MRAS: variants seen among roughly 807,000 people sequenced by gnomAD.
MRAS encodes the protein muscle RAS oncogene homolog.
Under a neutral mutation model 20.9 loss-of-function variants are expected in MRAS, and 4 were observed. That is an observed-to-expected ratio of 0.19 (90% CI 0.09 to 0.44). The LOEUF is 0.44. MRAS is among the 20% of genes least tolerant of loss of function. The probability of loss-of-function intolerance (pLI) is 0.99; values close to 1 mark genes in which losing one functional copy is unlikely to be tolerated. For missense variants in MRAS, 154 were observed against 277.5 expected (o/e 0.56, Z 3.16); for synonymous variants, 98 against 102.9 (o/e 0.95, Z 0.29).
At chr3:138,373,286 C>T (rs935253328) in intron 2 of MRAS, among the ~76,000 whole-genome samples, 1 of 152,192 alleles carries the variant, frequency 6.6e-6, no homozygotes, top group African/African-American at 2.4e-5. Flanking sequence ...CCAAAATGTG[C>T]ATTCAGCAAA....
chr3:138,395,462 T>G (rs2055216781), intron 2 of MRAS, among the ~76,000 whole-genome samples: 1 of 152,040 alleles, frequency 6.6e-6, no homozygotes, highest in Admixed American at 6.6e-5. Context: ...TCACACGCCC[T>G]TCACTCCCCT....
rs2094134058 is a variant in MRAS at position 138,379,420 on chromosome 3, A to G, written c.193+6344A>G. Reference sequence around the variant, plus strand: ...ACACTTGTTGGGCAGACTAGAGTTCAGTGGCACGATCACTGCAACCTCCCC... The same window carrying G: ...ACACTTGTTGGGCAGACTAGAGTTCGGTGGCACGATCACTGCAACCTCCCC... On this transcript the variant is annotated intron_variant, in intron 2 of 5. Coordinates refer to ENST00000423968, the MANE Select transcript of MRAS (RefSeq NM_001085049.3). 2.3e-5 allele frequency among the ~76,000 whole-genome samples: 3 copies of G among 129,496 alleles called. No homozygotes were observed. In the South Asian group the frequency reaches 7.1e-4, roughly 31 times the overall value. 85.0% of individuals were successfully genotyped at this position (129,496 alleles called of 152,430 possible).
intron 1 of MRAS, among the ~76,000 whole-genome samples, chr3:138,354,628 C>T (rs980339577): frequency 2.6e-5 from 4 of 152,200 alleles, no homozygotes; most frequent in African/African-American, 9.6e-5. Flanking sequence ...CTCACAAACA[C>T]CTGCCTTGAC....
chr3:138,394,520 T>C (rs2055195366), intron 2 of MRAS, among the ~76,000 whole-genome samples: 1 of 151,462 alleles, frequency 6.6e-6, no homozygotes, highest in Non-Finnish European at 1.5e-5. Flanking sequence ...CTGGATAGCT[T>C]GTCCTGTGGC....
chr3:138,376,104 C>T (rs1293749120), intron 2 of MRAS, among the ~76,000 whole-genome samples: 1 of 152,076 alleles, frequency 6.6e-6, no homozygotes, highest in African/African-American at 2.4e-5. Flanking sequence ...TAAAAAGCAC[C>T]GTCCTCCAAG....
intron 3 of MRAS, among the ~76,000 whole-genome samples, chr3:138,397,843 T>G (rs2055273938): frequency 1.3e-5 from 2 of 152,206 alleles, no homozygotes; most frequent in Admixed American, 1.3e-4. Flanking sequence ...CACAGATTAA[T>G]GTGGGTTTTA....
rs116118545 is a variant in MRAS at position 138,372,296 on chromosome 3, G to A, written c.-18-570G>A. On this transcript the variant is annotated intron_variant, in intron 1 of 5. Coordinates refer to ENST00000423968, the MANE Select transcript of MRAS (RefSeq NM_001085049.3). ...CTCCTCCCCAAATAAAATGATTCCCGCATGACTTTGTGTATAATACAGGGC... is the reference window on the plus strand; with the variant it reads ...CTCCTCCCCAAATAAAATGATTCCCACATGACTTTGTGTATAATACAGGGC... Among the ~76,000 whole-genome samples the A allele has an allele frequency of 5.3e-3, 806 of 152,162 alleles. 6 individuals are homozygous for A. Among genetic ancestry groups the A allele is most frequent in the African/African-American group, 0.018 (750 of 41,496 alleles).
intron 1 of MRAS, among the ~76,000 whole-genome samples, chr3:138,369,089 A>T (rs1203590698): frequency 1.3e-5 from 2 of 152,094 alleles, no homozygotes; most frequent in African/African-American, 4.8e-5. Context: ...CCTGGCTGAG[A>T]GAGTTGTCCC....
intron 2 of MRAS, among the ~76,000 whole-genome samples, chr3:138,385,064 G>C (rs1346136830): frequency 1.3e-5 from 2 of 151,976 alleles, no homozygotes; most frequent in Non-Finnish European, 2.9e-5. Flanking sequence ...AGGCAGCGAG[G>C]ATAGGCAAGA....
rs572659087 is a variant in MRAS at position 138,391,312 on chromosome 3, C to T, written c.194-6012C>T. Among the ~76,000 whole-genome samples, 5 of 152,292 alleles carry T rather than the reference C, an allele frequency of 3.3e-5. No individual in the cohort carries two copies. The South Asian group carries it at 1.0e-3, about 32-fold the overall frequency. ...GGTTTTATTTCTGTTGATTGTCCTT[C>T]AATTCTCAACTGTGATTTCTGCTTT... On this transcript the variant is annotated intron_variant, in intron 2 of 5. Transcript: ENST00000423968.
intron 5 of MRAS, among the ~76,000 whole-genome samples, chr3:138,401,839 C>T (rs2055365991): frequency 6.6e-6 from 1 of 152,178 alleles, no homozygotes; most frequent in Non-Finnish European, 1.5e-5. Context: ...GAATAGAGGC[C>T]AGCACTCTAT....
At chr3:138,397,591 GA>G in intron 3 of MRAS, 114 bp downstream of exon 3, 4 of 1,299,860 alleles carry the variant, frequency 3.1e-6, no homozygotes, top group Non-Finnish European at 4.2e-6. Flanking sequence ...TAAAGGCGTG[GA>G]TTTTTTTAAG....
intron 2 of MRAS, among the ~76,000 whole-genome samples, chr3:138,384,258 G>A (rs79963664): frequency 0.011 from 1,621 of 152,288 alleles, 18 homozygotes; most frequent in Non-Finnish European, 0.017. Context: ...ATCCTGCTGC[G>A]CTCCTGGCCT....
At chr3:138,373,622 C>G (rs895786732) in intron 2 of MRAS, among the ~76,000 whole-genome samples, 4 of 152,192 alleles carry the variant, frequency 2.6e-5, no homozygotes, top group African/African-American at 4.8e-5. Context: ...AGGGTGGGCC[C>G]AACACCCTGT....
At chr3:138,352,426 G>A (rs371523243) in intron 1 of MRAS, among the ~76,000 whole-genome samples, 3 of 152,180 alleles carry the variant, frequency 2.0e-5, no homozygotes, top group African/African-American at 4.8e-5. Context: ...GCAGCAATGT[G>A]TATTTTGCTT....
chr3:138,362,073 T>C (rs40412), intron 1 of MRAS, among the ~76,000 whole-genome samples: 105,919 of 152,026 alleles, frequency 0.7, 38,376 homozygotes, highest in East Asian at 0.97. Flanking sequence ...CAGGGGGCAC[T>C]GTGAGGGGCT....
At chr3:138,377,484 A>G (rs1359910456) in intron 2 of MRAS, among the ~76,000 whole-genome samples, 1 of 152,210 alleles carries the variant, frequency 6.6e-6, no homozygotes, top group East Asian at 1.9e-4. Flanking sequence ...GGCGCCTGTC[A>G]TCTCAGCTAC....
At chr3:138,362,501 A>T (rs1205992178) in intron 1 of MRAS, among the ~76,000 whole-genome samples, 2 of 151,940 alleles carry the variant, frequency 1.3e-5, no homozygotes, top group Non-Finnish European at 2.9e-5. Flanking sequence ...ATTCTGGAGC[A>T]CTTCGAGTTT....
chr3:138,363,506 A>G (rs1346844260), intron 1 of MRAS, among the ~76,000 whole-genome samples: 2 of 152,088 alleles, frequency 1.3e-5, no homozygotes, highest in Non-Finnish European at 2.9e-5. Context: ...CCAGTGTACC[A>G]TAATCCTCTG....
Sources: allele counts gnomAD v4.1 joint callset (sites outside exome capture counted in the v4.1 genomes callset), GRCh38; gene constraint gnomAD v4.1.1; transcripts MANE v1.5; gene names NCBI Gene and HGNC (gene_info 2026-07-23, HGNC 2026-07-21).